Variants in DTHD1 observed in about 807,000 individuals in gnomAD.
DTHD1 encodes the protein death domain-containing protein 1.
DTHD1 carries 59 observed loss-of-function variants against 74.8 expected under a neutral mutation model. The ratio of observed to expected loss-of-function variants is 0.79; its 90% confidence interval spans 0.64 to 0.98. The LOEUF is 0.98. Ranked by LOEUF, DTHD1 falls within the 50% of genes least tolerant of loss-of-function variation. The probability of loss-of-function intolerance (pLI) is 0.00; values close to 1 mark genes in which losing one functional copy is unlikely to be tolerated. For missense variants in DTHD1, 1,051 were observed against 1,065.4 expected (o/e 0.99, Z 0.19); for synonymous variants, 365 against 371.1 (o/e 0.98, Z 0.19).
intron 8 of DTHD1, among the ~76,000 whole-genome samples, chr4:36,324,344 A>G (rs1388060625): frequency 6.6e-6 from 1 of 152,148 alleles, no homozygotes; most frequent in Non-Finnish European, 1.5e-5. Context: ...AGGGCAGTAT[A>G]ACTAAACAGG....
intron 7 of DTHD1, among the ~76,000 whole-genome samples, chr4:36,314,715 G>C (rs1327524910): frequency 7.0e-6 from 1 of 142,378 alleles, no homozygotes; most frequent in African/African-American, 2.6e-5. Context: ...AAGAAAAAAA[G>C]CTTCGTCTTG....
At chr4:36,309,198 G>A (rs1174843732) in intron 7 of DTHD1, among the ~76,000 whole-genome samples, 3 of 152,342 alleles carry the variant, frequency 2.0e-5, no homozygotes, top group African/African-American at 7.2e-5. Context: ...CACTTTGGGA[G>A]GCTGAGGCAG....
chr4:36,336,460 A>T (rs1759015258), intron 8 of DTHD1, among the ~76,000 whole-genome samples: 1 of 152,212 alleles, frequency 6.6e-6, no homozygotes, highest in Admixed American at 6.5e-5. Context: ...CATTTTGGGC[A>T]GAGTGAAGGA....
At chr4:36,323,599 G>A (rs1758161475) in intron 8 of DTHD1, among the ~76,000 whole-genome samples, 1 of 115,176 alleles carries the variant, frequency 8.7e-6, no homozygotes, top group Non-Finnish European at 2.3e-5. Context: ...CAGATTGAAA[G>A]AGCACATTAG....
chr4:36,302,606 A>T (rs899343297), intron 5 of DTHD1, among the ~76,000 whole-genome samples: 1 of 152,226 alleles, frequency 6.6e-6, no homozygotes, highest in African/African-American at 2.4e-5. Context: ...AAATATGTCA[A>T]ATATTTCACC....
At chr4:36,314,939 C>G (rs1757628603) in intron 7 of DTHD1, among the ~76,000 whole-genome samples, 1 of 151,882 alleles carries the variant, frequency 6.6e-6, no homozygotes, top group Non-Finnish European at 1.5e-5. Flanking sequence ...TTCTCCTGTT[C>G]TAAGGGTAAG....
At chr4:36,287,009 A>G (rs187765018) in intron 2 of DTHD1, among the ~76,000 whole-genome samples, 12 of 152,038 alleles carry the variant, frequency 7.9e-5, no homozygotes, top group African/African-American at 2.7e-4. Flanking sequence ...GTTTTAGGGG[A>G]ACAGGTGGTG....
intron 8 of DTHD1, among the ~76,000 whole-genome samples, chr4:36,325,311 T>A (rs1296683649): frequency 6.6e-6 from 1 of 152,152 alleles, no homozygotes; most frequent in Non-Finnish European, 1.5e-5. Context: ...GGTATGGCCA[T>A]AATTGAGGAT....
chr4:36,291,561 G>T (rs951555763), intron 3 of DTHD1, among the ~76,000 whole-genome samples: 2 of 152,226 alleles, frequency 1.3e-5, no homozygotes, highest in Non-Finnish European at 2.9e-5. Flanking sequence ...AGGCGTGGTG[G>T]CTTAGGCCTG....
At chr4:36,342,162 G>T (rs1344562668) in intron 9 of DTHD1, among the ~76,000 whole-genome samples, 1 of 152,200 alleles carries the variant, frequency 6.6e-6, no homozygotes. Flanking sequence ...ACGTGGATGG[G>T]ACGAGAAAAG....
chr4:36,309,246 G>C (rs1757237982), intron 7 of DTHD1, among the ~76,000 whole-genome samples: 2 of 152,012 alleles, frequency 1.3e-5, no homozygotes, highest in Non-Finnish European at 2.9e-5. Flanking sequence ...GACCAGCCTG[G>C]CCAACATAGT....
intron 2 of DTHD1, among the ~76,000 whole-genome samples, chr4:36,285,457 C>A (rs1014299296): frequency 6.6e-6 from 1 of 152,076 alleles, no homozygotes; most frequent in African/African-American, 2.4e-5. Context: ...TATTTCATTT[C>A]CTTGGATATG....
intron 8 of DTHD1, 86 bp downstream of exon 8, chr4:36,316,572 C>T: frequency 2.3e-6 from 3 of 1,321,128 alleles, no homozygotes; most frequent in South Asian, 1.5e-5. Context: ...CATAGAGACA[C>T]ATACAGTTAA....
rs373222994 is a variant in DTHD1 at position 36,298,993 on chromosome 4, T to C, written c.1643+3954T>C. On this transcript the variant is annotated intron_variant, in intron 5 of 9. Transcript: ENST00000639862. ...TGAAATGGACAACTAGTAAAGCTAA[T>C]ATCAAACAATAAACTGATCATTATT... Among the ~76,000 whole-genome samples, 8 of 152,266 alleles carry C rather than the reference T, an allele frequency of 5.3e-5. No individual in the cohort carries two copies. The South Asian group carries it at 1.4e-3, about 28-fold the overall frequency.
chr4:36,312,688 G>A (rs1369507323), intron 7 of DTHD1, among the ~76,000 whole-genome samples: 1 of 152,100 alleles, frequency 6.6e-6, no homozygotes, highest in African/African-American at 2.4e-5. Flanking sequence ...TGAACTCGGT[G>A]GCAACTTGCC....
At chr4:36,313,141 A>G (rs1169761315) in intron 7 of DTHD1, among the ~76,000 whole-genome samples, 3 of 152,212 alleles carry the variant, frequency 2.0e-5, no homozygotes, top group Admixed American at 6.5e-5. Context: ...TATGTCATCA[A>G]TGAAAAATAT....
At chr4:36,335,655 T>A (rs928361228) in intron 8 of DTHD1, among the ~76,000 whole-genome samples, 2 of 152,214 alleles carry the variant, frequency 1.3e-5, no homozygotes, top group African/African-American at 4.8e-5. Context: ...GGAAGCCTGA[T>A]AATGGCTGGA....
At chr4:36,336,969 G>T (rs74957090) in intron 8 of DTHD1, among the ~76,000 whole-genome samples, 3 of 151,898 alleles carry the variant, frequency 2.0e-5, no homozygotes, top group Admixed American at 2.0e-4. Flanking sequence ...AGAGGAAAGT[G>T]GGGGGAAATG....
intron 5 of DTHD1, among the ~76,000 whole-genome samples, chr4:36,300,286 G>C (rs892817786): frequency 1.5e-4 from 23 of 152,126 alleles, no homozygotes; most frequent in African/African-American, 5.6e-4. Context: ...CTACTTACCT[G>C]GGGCTACATT....
Sources: allele counts gnomAD v4.1 joint callset (sites outside exome capture counted in the v4.1 genomes callset), GRCh38; gene constraint gnomAD v4.1.1; transcripts MANE v1.5; gene names NCBI Gene and HGNC (gene_info 2026-07-23, HGNC 2026-07-21).